The following QSOX1 variants were observed in gnomAD, a reference collection of about 807,000 sequenced individuals.
QSOX1 encodes sulfhydryl oxidase 1.
QSOX1 carries 40 observed loss-of-function variants against 76.1 expected under a neutral mutation model. The observed-to-expected ratio is 0.53, with a 90% CI of 0.41 to 0.68. The LOEUF (loss-of-function observed/expected upper bound fraction) is 0.68. Ranked by LOEUF, QSOX1 falls within the 30% of genes least tolerant of loss-of-function variation. QSOX1 has a pLI of 0.00. For synonymous variants in QSOX1, 392 were observed against 413.1 expected, an observed-to-expected ratio of 0.95 and a Z score of 0.62; for missense variants, 931 against 974.3, an observed-to-expected ratio of 0.96 and a Z score of 0.59.
chr1:180,159,576 C>T (rs534710998), intron 1 of QSOX1, among the ~76,000 whole-genome samples: 64 of 152,272 alleles, frequency 4.2e-4, no homozygotes, highest in African/African-American at 1.4e-3. Context: ...GCTTTATAGA[C>T]AGAAAAAGGC....
At chr1:180,185,503 C>T (rs373409229) in intron 7 of QSOX1, among the ~76,000 whole-genome samples, 9 of 152,320 alleles carry the variant, frequency 5.9e-5, no homozygotes, top group East Asian at 3.9e-4. Flanking sequence ...ATGTGAGGTC[C>T]GGCAGCTGTG....
At chr1:180,176,311 G>C (rs1464568042) in intron 4 of QSOX1, among the ~76,000 whole-genome samples, 1 of 152,250 alleles carries the variant, frequency 6.6e-6, no homozygotes, top group African/African-American at 2.4e-5. Context: ...GGAAGGAAAA[G>C]ATGGATGGGG....
At position 180,196,144 on chromosome 1, in the gene QSOX1, G is replaced by C; in HGVS notation, c.1469-118G>C. 1 of 1,268,594 alleles carries C rather than the reference G, an allele frequency of 7.9e-7. No individual in the cohort carries two copies. Among genetic ancestry groups the C allele is most frequent in the Non-Finnish European group, 1.1e-6 (1 of 918,304 alleles). The allele number at this position is 1,268,594 out of a possible 1,614,324, so 78.6% of individuals were successfully genotyped here. ...TTTTCTAATTACCCATCCTCTGGAA[G>C]GGCAGTGGCGAGCCCTTTCTGCAGA... On this transcript the variant is annotated intron_variant, in intron 11 of 11. Coordinates refer to ENST00000367602, the MANE Select transcript of QSOX1 (RefSeq NM_002826.5). The surrounding 1 kb of genome is among the most constrained non-coding windows in gnomAD (Gnocchi z 4.1).
At chr1:180,195,980 G>A (rs781204783) in intron 11 of QSOX1, among the ~76,000 whole-genome samples, 6 of 152,158 alleles carry the variant, frequency 3.9e-5, no homozygotes, top group Non-Finnish European at 7.3e-5. Flanking sequence ...GGCCAACACC[G>A]GGAAATGACT....
chr1:180,155,232 C>A, intron 1 of QSOX1, 60 bp downstream of exon 1: 1 of 1,382,200 alleles, frequency 7.2e-7, no homozygotes, highest in Middle Eastern at 2.6e-4. Context: ...TCCACCTGCC[C>A]GGTGGGCAGC....
rs1398628377 is a variant in QSOX1, at chr1:180,200,093, A to C, written c.*3056A>C. On this transcript the variant is annotated 3_prime_UTR_variant, in exon 12 of 12. Transcript: ENST00000367602. ...TGGGCCCTGGGTCAGGGTGGGGTCA[A>C]GTCCAGCCTTGAAGAGAATGGACTC... 1 of 152,186 alleles carries C rather than the reference A, an allele frequency of 6.6e-6. No homozygotes were observed. The highest frequency in any genetic ancestry group is 1.9e-4 in the East Asian group (1 of 5,196). 9.4% of individuals were successfully genotyped at this position (152,186 alleles called of 1,614,324 possible).
In QSOX1 at chr1:180,155,192, C is replaced by A; in HGVS notation, c.265+20C>A. On this transcript the variant is annotated intron_variant, in intron 1 of 11. Transcript: ENST00000367602. Reference sequence around the variant, plus strand: ...TCAAAGGTGAGAAGCGGGGGCGGCCCGCTCCCCCGTGCCCCGCCGCCCGGA... The same window carrying A: ...TCAAAGGTGAGAAGCGGGGGCGGCCAGCTCCCCCGTGCCCCGCCGCCCGGA... 6.8e-7 allele frequency: 1 copy of A among 1,472,558 alleles called. No homozygotes were observed. Among genetic ancestry groups the A allele is most frequent in the Non-Finnish European group, 9.0e-7 (1 of 1,114,834 alleles). The allele number at this position is 1,472,558 out of a possible 1,614,324, so 91.2% of individuals were successfully genotyped here.
chr1:180,176,047 G>C lies in QSOX1; in HGVS notation c.515+14G>C. On this transcript the variant is annotated intron_variant, in intron 4 of 11. Transcript: ENST00000367602. ...GGAGCCTGCCAAGTACTTTGGGCTG[G>C]GGCAGGCTTAGTGCATTGTGGGCCA... 1.3e-6 allele frequency: 2 copies of C among 1,568,132 alleles called. No individual in the cohort carries two copies. The highest frequency in any genetic ancestry group is 1.7e-6 in the Non-Finnish European group (2 of 1,154,386).
intron 2 of QSOX1, among the ~76,000 whole-genome samples, chr1:180,169,254 G>C (rs3767189): frequency 6.6e-6 from 1 of 152,234 alleles, no homozygotes; most frequent in South Asian, 2.1e-4. Flanking sequence ...TGGAACTTCC[G>C]GGTCAAGGGG....
chr1:180,175,601 C>T lies in QSOX1; in HGVS notation c.412+235C>T, dbSNP rs528002571. Among the ~76,000 whole-genome samples, 5 of 152,324 alleles carry T rather than the reference C, an allele frequency of 3.3e-5. No individual in the cohort carries two copies. In the East Asian group the frequency reaches 9.6e-4, roughly 29 times the overall value. On this transcript the variant is annotated intron_variant, in intron 3 of 11. Transcript: ENST00000367602. ...CATATCCAGGGCCCTAGGGTCGGGGCAGGGGCACCATGTTCCCAGAAGAGC... is the reference window on the plus strand; with the variant it reads ...CATATCCAGGGCCCTAGGGTCGGGGTAGGGGCACCATGTTCCCAGAAGAGC...
chr1:180,176,163 C>T, intron 4 of QSOX1, 130 bp downstream of exon 4: 1 of 715,210 alleles, frequency 1.4e-6, no homozygotes. Context: ...GTGGGGCTCA[C>T]ACACCAGTCT....
rs747164407 is a variant in QSOX1, at chr1:180,186,142, G to T, written c.977G>T (p.Arg326Leu). The change falls in exon 8 of 12, where the codon CGC (arginine) becomes CTC (leucine). Residue 326 changes from arginine (R) to leucine (L), a missense_variant. Coordinates refer to ENST00000367602, the MANE Select transcript of QSOX1 (RefSeq NM_002826.5). ...VGRFPVLEGQ[R>L]LVALKKFVAV... is the part of the protein sequence containing the mutation. ...AGGTTCCCGGTCCTGGAAGGGCAGC[G>T]CCTGGTGGCCCTGAAAAAGTTTGTG... is the stretch of plus-strand genomic sequence containing the variant. The T allele has an allele frequency of 1.2e-6, 2 of 1,614,076 alleles. No individual in the cohort carries two copies. Among genetic ancestry groups the T allele is most frequent in the Non-Finnish European group, 1.7e-6 (2 of 1,179,980 alleles).
In QSOX1 at chr1:180,196,052, G is replaced by A. The variant is rs1244922664; in HGVS notation, c.1469-210G>A. Among the ~76,000 whole-genome samples the A allele has an allele frequency of 6.6e-6, 1 of 152,274 alleles. No individual in the cohort carries two copies. Among genetic ancestry groups the A allele is most frequent in the East Asian group, 1.9e-4 (1 of 5,172 alleles). ...GAGGGCCGGGGCTGAGGGGTAGGTGGATCTGCCTCCTCCTCCATGCTGCCA... is the reference window on the plus strand; with the variant it reads ...GAGGGCCGGGGCTGAGGGGTAGGTGAATCTGCCTCCTCCTCCATGCTGCCA... On this transcript the variant is annotated intron_variant, in intron 11 of 11. Transcript: ENST00000367602. The surrounding 1 kb of genome is among the most constrained non-coding windows in gnomAD (Gnocchi z 4.1).
At chr1:180,189,445 C>A in intron 8 of QSOX1, 107 bp from the exon 9 acceptor site, 2 of 372,612 alleles carry the variant, frequency 5.4e-6, no homozygotes, top group Non-Finnish European at 8.9e-6. Flanking sequence ...CACTGCCCCC[C>A]GCCCCCCGCC....
At chr1:180,158,071 C>T (rs747551230) in intron 1 of QSOX1, among the ~76,000 whole-genome samples, 3 of 152,216 alleles carry the variant, frequency 2.0e-5, no homozygotes, top group Non-Finnish European at 2.9e-5. Context: ...AATCCTTACC[C>T]GGGAAAATAT....
In QSOX1 at chr1:180,186,034, T is replaced by G. The variant is rs370405608; in HGVS notation, c.888-19T>G. ...TGGTTAATACTTCTTTCTCTCTCTATCTCCCTCTGGGTCCTCAGCTCCAAG... is the reference window on the plus strand; with the variant it reads ...TGGTTAATACTTCTTTCTCTCTCTAGCTCCCTCTGGGTCCTCAGCTCCAAG... On this transcript the variant is annotated intron_variant, in intron 7 of 11. Coordinates refer to ENST00000367602, the MANE Select transcript of QSOX1 (RefSeq NM_002826.5). 3 of 1,612,784 alleles carry G rather than the reference T, an allele frequency of 1.9e-6. No homozygotes were observed. The highest frequency in any genetic ancestry group is 8.5e-7 in the Non-Finnish European group (1 of 1,178,878).
intron 5 of QSOX1, 26 bp from the exon 6 acceptor site, chr1:180,182,148 C>T (rs899115402): frequency 6.2e-7 from 1 of 1,612,080 alleles, no homozygotes; most frequent in Non-Finnish European, 8.5e-7. Context: ...GTGGCCTGGC[C>T]CCCAGATGTT....
chr1:180,176,167 C>G (rs1662887585), intron 4 of QSOX1, 134 bp downstream of exon 4: 1 of 702,082 alleles, frequency 1.4e-6, no homozygotes, highest in African/African-American at 1.8e-5. Context: ...GGCTCACACA[C>G]CAGTCTGCTG....
At chr1:180,158,205 G>C (rs1399535633) in intron 1 of QSOX1, among the ~76,000 whole-genome samples, 2 of 152,244 alleles carry the variant, frequency 1.3e-5, no homozygotes, top group Non-Finnish European at 1.5e-5. Flanking sequence ...TGGGCAGGTA[G>C]AGAGGTGGGT....
Sources: gnomAD v4.1 joint callset for allele counts (sites outside exome capture counted in the v4.1 genomes callset) on GRCh38, gnomAD v4.1.1 for gene constraint, Gnocchi (gnomAD v3.1) non-coding constraint, MANE v1.5 for transcripts, NCBI Gene and HGNC (gene_info 2026-07-23, HGNC 2026-07-21) for gene names.